RARB: variants seen among roughly 807,000 people sequenced by gnomAD.
The protein encoded by RARB is HBV-activated protein.
RARB carries 17 observed loss-of-function variants against 51.9 expected under a neutral mutation model. The ratio of observed to expected loss-of-function variants is 0.33; its 90% CI spans 0.22 to 0.49. RARB has a LOEUF of 0.49. Among genes scored for constraint, RARB ranks in the 20% least tolerant of loss-of-function variants. The probability of loss-of-function intolerance (pLI) is 0.99; values close to 1 mark genes in which losing one functional copy is unlikely to be tolerated. For missense variants in RARB, 369 were observed against 550.8 expected (o/e 0.67, Z 3.30); for synonymous variants, 215 against 195.4 (o/e 1.10, Z -0.84).
chr3:25,224,445 C>G (rs1702010853), intron 5 of RARB, among the ~76,000 whole-genome samples: 1 of 152,132 alleles, frequency 6.6e-6, no homozygotes, highest in Non-Finnish European at 1.5e-5. Flanking sequence ...TGGAAGCAGA[C>G]CAAGCCTCAA....
chr3:25,452,709 C>T (rs534400156), intron 1 of RARB, among the ~76,000 whole-genome samples: 2 of 152,210 alleles, frequency 1.3e-5, no homozygotes, highest in East Asian at 1.9e-4. Flanking sequence ...AAGTCATTTA[C>T]ATCTCATTTA....
chr3:25,361,745 G>A (rs1225921647), intron 5 of RARB, among the ~76,000 whole-genome samples: 3 of 152,184 alleles, frequency 2.0e-5, no homozygotes, highest in Non-Finnish European at 2.9e-5. Context: ...CCCCTCTTCT[G>A]CAGGTCTGCT....
At chr3:25,255,776 T>A (rs550953889) in intron 5 of RARB, among the ~76,000 whole-genome samples, 1 of 152,308 alleles carries the variant, frequency 6.6e-6, no homozygotes, top group East Asian at 1.9e-4. Context: ...TCTCCCTTAA[T>A]GTATAATTTT....
chr3:25,553,595 A>G lies in RARB; in HGVS notation c.449-16163A>G, dbSNP rs148332584. Among the ~76,000 whole-genome samples the G allele has an allele frequency of 5.4e-4, 82 of 152,324 alleles. 1 individual carries two copies. The highest frequency in any genetic ancestry group is 1.7e-3 in the African/African-American group (72 of 41,576). On this transcript the variant is annotated intron_variant, in intron 3 of 7. Coordinates refer to ENST00000330688, the MANE Select transcript of RARB (RefSeq NM_000965.5). ...GCTTCCTAAGAATGTGGAGCAATCA[A>G]TAAACCCCCTTGGAGTATCTTACAT...
intron 5 of RARB, among the ~76,000 whole-genome samples, chr3:25,334,097 A>C (rs1208770366): frequency 6.6e-6 from 1 of 152,206 alleles, no homozygotes; most frequent in East Asian, 1.9e-4. Context: ...AAACTAGTTC[A>C]ACCATTGTGG....
At chr3:25,217,532 C>T (rs1464917842) in intron 5 of RARB, among the ~76,000 whole-genome samples, 1 of 151,950 alleles carries the variant, frequency 6.6e-6, no homozygotes. Flanking sequence ...GTTGTATGGC[C>T]AAGGGAGGCA....
chr3:25,339,844 GGA>G (rs1447211807), intron 5 of RARB, among the ~76,000 whole-genome samples: 1 of 151,950 alleles, frequency 6.6e-6, no homozygotes, highest in Non-Finnish European at 1.5e-5. Context: ...TCATTTTCTG[GGA>G]AAAGATCATC....
At chr3:24,979,429 C>T (rs1377679228) in intron 2 of RARB, among the ~76,000 whole-genome samples, 1 of 152,090 alleles carries the variant, frequency 6.6e-6, no homozygotes. Context: ...TCTTGTATTA[C>T]ATGCATATAT....
rs191253263 is a variant in RARB at position 25,302,691 on chromosome 3, C to T, written c.178+128116C>T. Among the ~76,000 whole-genome samples the T allele has an allele frequency of 8.9e-4, 135 of 152,272 alleles. 1 individual carries two copies. Among genetic ancestry groups the T allele is most frequent in the African/African-American group, 3.2e-3 (135 of 41,544 alleles). Reference sequence around the variant, plus strand: ...CAAGATTAGATAGTGGTGATATTTGCCCACCTTTGTGAATAGACTTAAAAC... The same window carrying T: ...CAAGATTAGATAGTGGTGATATTTGTCCACCTTTGTGAATAGACTTAAAAC... On this transcript the variant is annotated intron_variant, in intron 5 of 11. Coordinates refer to the RARB transcript ENST00000383772.
intron 2 of RARB, among the ~76,000 whole-genome samples, chr3:24,903,865 CATAGA>C (rs1694785216): frequency 6.6e-6 from 1 of 152,050 alleles, no homozygotes. Context: ...ATTGCTATAA[CATAGA>C]ATTTTAATGT....
At chr3:24,954,902 G>A (rs1428688345) in intron 2 of RARB, among the ~76,000 whole-genome samples, 2 of 152,192 alleles carry the variant, frequency 1.3e-5, no homozygotes, top group East Asian at 3.9e-4. Context: ...AGGAGCCAGG[G>A]GAGTGTTTTG....
At chr3:24,900,522 A>G (rs887823756) in intron 2 of RARB, among the ~76,000 whole-genome samples, 2 of 152,214 alleles carry the variant, frequency 1.3e-5, no homozygotes, top group Non-Finnish European at 2.9e-5. Context: ...GTAAGTAAGA[A>G]CAAAGTGCCT....
At chr3:24,979,931 G>A (rs76122184) in intron 2 of RARB, among the ~76,000 whole-genome samples, 19,551 of 151,346 alleles carry the variant, frequency 0.13, 1,428 homozygotes, top group Non-Finnish European at 0.17. Flanking sequence ...ATTTCCACAT[G>A]CTTCCTTCAG....
chr3:25,150,560 C>T (rs547321604), intron 4 of RARB, among the ~76,000 whole-genome samples: 46 of 152,136 alleles, frequency 3.0e-4, no homozygotes, highest in Non-Finnish European at 6.2e-4. Context: ...AAACTATGGA[C>T]AAGAAAGAAA....
chr3:24,882,657 T>A (rs1245295306), intron 2 of RARB, among the ~76,000 whole-genome samples: 7 of 152,132 alleles, frequency 4.6e-5, no homozygotes, highest in Admixed American at 4.6e-4. Flanking sequence ...AAGAACAGAG[T>A]TGCTTACATT....
At chr3:25,309,870 G>C (rs1188067906) in intron 5 of RARB, among the ~76,000 whole-genome samples, 2 of 152,152 alleles carry the variant, frequency 1.3e-5, no homozygotes, top group African/African-American at 4.8e-5. Flanking sequence ...ACACATGAAG[G>C]ATGGCTTCTT....
At chr3:24,966,085 C>A (rs1038375539) in intron 2 of RARB, among the ~76,000 whole-genome samples, 3 of 133,206 alleles carry the variant, frequency 2.3e-5, no homozygotes, top group Non-Finnish European at 4.8e-5. Context: ...AAAGAGGCAC[C>A]TTTATCTTTG....
intron 5 of RARB, among the ~76,000 whole-genome samples, chr3:25,262,165 G>T (rs981174212): frequency 6.6e-6 from 1 of 152,078 alleles, no homozygotes; most frequent in Non-Finnish European, 1.5e-5. Flanking sequence ...CTCAAACTGT[G>T]TTCACTGGAC....
chr3:24,982,886 T>C (rs978964380), intron 2 of RARB, among the ~76,000 whole-genome samples: 2 of 152,186 alleles, frequency 1.3e-5, no homozygotes, highest in African/African-American at 2.4e-5. Context: ...CTGTAACACA[T>C]ATGTCCTATG....
Sources: gnomAD v4.1 joint callset for allele counts (sites outside exome capture counted in the v4.1 genomes callset) on GRCh38, gnomAD v4.1.1 for gene constraint, MANE v1.5 for transcripts, NCBI Gene and HGNC (gene_info 2026-07-23, HGNC 2026-07-21) for gene names.